The following CCDC57 variants were observed in gnomAD, a reference collection of about 807,000 sequenced individuals.
CCDC57 encodes the protein coiled-coil domain-containing protein 57.
Under a neutral mutation model 118.9 loss-of-function variants are expected in CCDC57, and 118 were observed. The observed-to-expected ratio is 0.99, with a 90% CI of 0.86 to 1.16. The LOEUF (loss-of-function observed/expected upper bound fraction) is 1.16, where lower values mean the gene tolerates loss of function less well. CCDC57 is among the 50% of genes most tolerant of loss of function. The pLI is 0.00. For synonymous variants in CCDC57, 527 were observed against 532.9 expected (o/e 0.99, Z 0.15); for missense variants, 1,300 against 1,320.7 (o/e 0.98, Z 0.24).
rs546062056 is a variant in CCDC57, at chr17:82,194,752, A to G, written c.618+511T>C. On this transcript the variant is annotated intron_variant, in intron 5 of 19. Coordinates refer to ENST00000665763, the Ensembl canonical transcript of CCDC57. Reference sequence around the variant, plus strand: ...TGAAAGTTATTTAAATAAGGAAATTAAACACAAAGCCAGGGGTCTAGGAAG... The same window carrying G: ...TGAAAGTTATTTAAATAAGGAAATTGAACACAAAGCCAGGGGTCTAGGAAG... Among the ~76,000 whole-genome samples, 5 of 152,372 alleles carry G rather than the reference A, an allele frequency of 3.3e-5. No individual in the cohort carries two copies. The East Asian group carries it at 9.6e-4, about 29-fold the overall frequency.
chr17:82,184,027 GCGCGCACACACACACACA>G (rs1467443962), intron 8 of CCDC57, 95 bp from the exon 8 acceptor site: 137 of 328,618 alleles, frequency 4.2e-4, no homozygotes, highest in African/African-American at 9.4e-4. Context: ...GCGCGCGCGC[GCGCGCACACACACACACA>G]CACACACACA....
intron 19 of CCDC57, among the ~76,000 whole-genome samples, chr17:82,114,800 G>A (rs1212506511): frequency 6.6e-6 from 1 of 152,246 alleles, no homozygotes; most frequent in Non-Finnish European, 1.5e-5. Flanking sequence ...GCAGGAGTGT[G>A]CCATGATTTG....
At chr17:82,168,505 T>C (rs1430704339) in intron 13 of CCDC57, among the ~76,000 whole-genome samples, 1 of 152,078 alleles carries the variant, frequency 6.6e-6, no homozygotes, top group African/African-American at 2.4e-5. Context: ...GGCTGAGGCA[T>C]GAGAATCGCT....
intron 19 of CCDC57, among the ~76,000 whole-genome samples, chr17:82,109,142 G>C (rs540905750): frequency 2.0e-5 from 3 of 152,362 alleles, no homozygotes; most frequent in Non-Finnish European, 2.9e-5. Flanking sequence ...AAGTGTTGGG[G>C]GAGTCACTGA....
chr17:82,188,492 G>A (rs530083709), intron 7 of CCDC57, 73 bp from the exon 7 acceptor site: 89 of 1,447,622 alleles, frequency 6.1e-5, no homozygotes, highest in African/African-American at 5.5e-4. Flanking sequence ...CTTTGGAGGC[G>A]TTCATTGCCC....
At chr17:82,155,819 G>A (rs898595407) in intron 15 of CCDC57, 6 of 152,218 alleles carry the variant, frequency 3.9e-5, no homozygotes, top group Non-Finnish European at 7.3e-5. Context: ...GGTGGGCCTC[G>A]CCTGGGTGGA....
At chr17:82,140,292 T>G (rs2039843628) in intron 16 of CCDC57, among the ~76,000 whole-genome samples, 1 of 152,172 alleles carries the variant, frequency 6.6e-6, no homozygotes, top group Non-Finnish European at 1.5e-5. Flanking sequence ...TTCACCATGT[T>G]AGCCATGGTG....
chr17:82,110,874 C>T (rs970452235), intron 19 of CCDC57, among the ~76,000 whole-genome samples: 1 of 151,650 alleles, frequency 6.6e-6, no homozygotes, highest in Non-Finnish European at 1.5e-5. Flanking sequence ...ATAATACAAA[C>T]ATTATCTGGG....
chr17:82,131,475 C>T lies in CCDC57; in HGVS notation c.2577+2598G>A, dbSNP rs547249423. Among the ~76,000 whole-genome samples the T allele has an allele frequency of 7.2e-5, 11 of 151,948 alleles. No individual in the cohort carries two copies. The South Asian group carries it at 2.3e-3, about 32-fold the overall frequency. On this transcript the variant is annotated intron_variant, in intron 17 of 19. Coordinates refer to ENST00000665763, the Ensembl canonical transcript of CCDC57. ...AATAAATACATGCCGGGCCTGGTGG[C>T]TCACGCCTGTAATCCCAGCATTTGG...
chr17:82,179,148 C>T (rs2045890204), exon 10 of CCDC57: 1 of 1,613,862 alleles, frequency 6.2e-7, no homozygotes, highest in Admixed American at 1.7e-5. Context: ...ACGCTCCAGG[C>T]TCCGCTCCCT....
At chr17:82,129,771 C>A (rs7222057) in intron 17 of CCDC57, among the ~76,000 whole-genome samples, 70,498 of 151,898 alleles carry the variant, frequency 0.46, 17,200 homozygotes, top group East Asian at 0.88. Flanking sequence ...ATTAAAAATA[C>A]AGAGGAACCC....
chr17:82,139,942 C>A (rs891728895), intron 16 of CCDC57, among the ~76,000 whole-genome samples: 1 of 152,148 alleles, frequency 6.6e-6, no homozygotes, highest in Non-Finnish European at 1.5e-5. Context: ...GTTAAGAATA[C>A]GGCTGATGTT....
At position 82,187,236 on chromosome 17, in the gene CCDC57, C is replaced by CAA. The variant is rs61100137; in HGVS notation, c.1052+981_1052+982dup. On this transcript the variant is annotated intron_variant, in intron 8 of 19. Transcript: ENST00000665763. Reference sequence around the variant, plus strand: ...TCGGTAACAGAGCCAGACTCCATCTCAAAAAAAAAAAAAAAAAAAGTCAAG... The same window carrying CAA: ...TCGGTAACAGAGCCAGACTCCATCTCAAAAAAAAAAAAAAAAAAAAAGTCAAG... Among the ~76,000 whole-genome samples, 21 of 62,980 alleles carry CAA rather than the reference C, an allele frequency of 3.3e-4. 1 individual carries two copies. The highest frequency in any genetic ancestry group is 6.7e-4 in the African/African-American group (10 of 15,008). 41.3% of individuals were successfully genotyped at this position (62,980 alleles called of 152,430 possible).
intron 19 of CCDC57, chr17:82,107,455 C>T (rs2034936548): frequency 4.3e-6 from 2 of 470,010 alleles, no homozygotes; most frequent in African/African-American, 2.0e-5. Flanking sequence ...CGTTTGACTC[C>T]AGCTGCACGG....
At chr17:82,191,523 C>T (rs766364569) in intron 7 of CCDC57, among the ~76,000 whole-genome samples, 1 of 152,116 alleles carries the variant, frequency 6.6e-6, no homozygotes, top group Non-Finnish European at 1.5e-5. Flanking sequence ...ACCTGCCTCT[C>T]CTGCCCTCCC....
rs529242045 is a variant in CCDC57 at position 82,172,141 on chromosome 17, A to C, written c.1730-288T>G. ...AGGAGCAAATGCTCCACCTGCCGCC[A>C]GCCCACGTGCCTCTGTGCAGAGGGG... On this transcript the variant is annotated intron_variant, in intron 12 of 19. Transcript: ENST00000665763. This position sits in a 1 kb window ranked among gnomAD's most constrained non-coding sequence, Gnocchi z 5.2. 6.6e-6 allele frequency among the ~76,000 whole-genome samples: 1 copy of C among 152,356 alleles called. No individual in the cohort carries two copies. The highest frequency in any genetic ancestry group is 6.5e-5 in the Admixed American group (1 of 15,308).
chr17:82,174,860 A>G (rs1321997998), intron 11 of CCDC57, among the ~76,000 whole-genome samples: 1 of 152,190 alleles, frequency 6.6e-6, no homozygotes, highest in African/African-American at 2.4e-5. Flanking sequence ...TTCCTAAACC[A>G]AGGTATACAA....
intron 16 of CCDC57, among the ~76,000 whole-genome samples, chr17:82,148,660 A>G: frequency 1.6e-5 from 1 of 61,620 alleles, no homozygotes; most frequent in African/African-American, 6.2e-5. Flanking sequence ...GAATAGATGA[A>G]TGAGTGGGTG....
intron 9 of CCDC57, 69 bp downstream of exon 8, chr17:82,183,705 C>G: frequency 1.4e-6 from 2 of 1,442,818 alleles, no homozygotes; most frequent in South Asian, 2.6e-5. Flanking sequence ...AGTTTTGAAT[C>G]CTTAGTACCT....
Sources: gnomAD v4.1 joint callset for allele counts (sites outside exome capture counted in the v4.1 genomes callset) on GRCh38, gnomAD v4.1.1 for gene constraint, Gnocchi (gnomAD v3.1) non-coding constraint, MANE v1.5 for transcripts, NCBI Gene and HGNC (gene_info 2026-07-23, HGNC 2026-07-21) for gene names.